TMEM132C: variants seen among roughly 807,000 people sequenced by gnomAD.
TMEM132C encodes protein phosphatase 1, regulatory subunit 152.
In TMEM132C, 29 loss-of-function variants were observed where a neutral mutation model predicts 61.4. That is an observed-to-expected ratio of 0.47 (90% CI 0.35 to 0.64). TMEM132C has a LOEUF of 0.64. Ranked by LOEUF, TMEM132C falls within the 30% of genes least tolerant of loss-of-function variation. TMEM132C has a pLI of 0.00. For missense variants in TMEM132C, 1,408 were observed against 1,476.9 expected (o/e 0.95, Z 0.76); for synonymous variants, 656 against 633.1 (o/e 1.04, Z -0.54).
At chr12:128,499,197 A>G (rs1872072192) in intron 2 of TMEM132C, among the ~76,000 whole-genome samples, 1 of 152,238 alleles carries the variant, frequency 6.6e-6, no homozygotes, top group South Asian at 2.1e-4. Context: ...TAAATGGAAT[A>G]GAATTGAAAG....
chr12:128,622,357 AAAAATATATATATATATATATATAT>A lies in TMEM132C; in HGVS notation c.1305+6024_1305+6048del, dbSNP rs1391400878. Reference sequence around the variant, plus strand: ...AGACTTTGTCTCAAAAAAAAAAAAAAAAAATATATATATATATATATATATATATATATATATATATATAACCAGG... The same window carrying A: ...AGACTTTGTCTCAAAAAAAAAAAAAAATATATATATATATATATAACCAGG... On this transcript the variant is annotated intron_variant, in intron 4 of 8. Transcript: ENST00000435159. 5.1e-4 allele frequency among the ~76,000 whole-genome samples: 31 copies of A among 60,268 alleles called. 3 individuals are homozygous for A. The highest frequency in any genetic ancestry group is 2.7e-3 in the African/African-American group (28 of 10,280). 39.5% of individuals were successfully genotyped at this position (60,268 alleles called of 152,430 possible). A position where few individuals can be genotyped will look rare whatever the true frequency, so the allele number is the denominator to read the frequency against.
chr12:128,651,295 C>T (rs7955460), intron 4 of TMEM132C, among the ~76,000 whole-genome samples: 29,154 of 152,116 alleles, frequency 0.19, 2,957 homozygotes, highest in African/African-American at 0.24. Flanking sequence ...CAGTTGTCTG[C>T]AGCCCAAGCA....
At chr12:128,572,223 C>T (rs78985775) in intron 3 of TMEM132C, among the ~76,000 whole-genome samples, 3,265 of 152,100 alleles carry the variant, frequency 0.021, 82 homozygotes, top group African/African-American at 0.062. Context: ...TCTGGTTGGC[C>T]AGGCCTGGGT....
In TMEM132C at chr12:128,276,796, T is replaced by G. The variant is rs530723300; in HGVS notation, c.85+9309T>G. Among the ~76,000 whole-genome samples, 5 of 152,292 alleles carry G rather than the reference T, an allele frequency of 3.3e-5. No individual in the cohort carries two copies. The South Asian group carries it at 8.3e-4, about 25-fold the overall frequency. On this transcript the variant is annotated intron_variant, in intron 1 of 8. Transcript: ENST00000435159. Reference sequence around the variant, plus strand: ...ACGCGGTATTCTACTAGCAAGTCTTTGAGGCAACAAGGGATTCTTATATTC... The same window carrying G: ...ACGCGGTATTCTACTAGCAAGTCTTGGAGGCAACAAGGGATTCTTATATTC...
intron 4 of TMEM132C, among the ~76,000 whole-genome samples, chr12:128,665,447 G>A (rs889453166): frequency 4.2e-5 from 5 of 119,552 alleles, no homozygotes; most frequent in South Asian, 5.8e-4. Context: ...AGCCATACAC[G>A]TAGGCACTCA....
chr12:128,409,759 G>T, intron 1 of TMEM132C, among the ~76,000 whole-genome samples: 1 of 152,110 alleles, frequency 6.6e-6, no homozygotes, highest in South Asian at 2.1e-4. Flanking sequence ...AATCTCAGTA[G>T]GGGGCCAGAG....
intron 2 of TMEM132C, among the ~76,000 whole-genome samples, chr12:128,446,098 G>A (rs1336162176): frequency 6.6e-6 from 1 of 152,188 alleles, no homozygotes; most frequent in Non-Finnish European, 1.5e-5. Flanking sequence ...ATCTTCAGCC[G>A]AAATTATTTG....
At chr12:128,404,733 G>A (rs1054803643) in intron 1 of TMEM132C, 4 of 152,154 alleles carry the variant, frequency 2.6e-5, no homozygotes, top group East Asian at 1.9e-4. Flanking sequence ...TGAGCATTGC[G>A]ATGAAAGCAG....
At chr12:128,621,446 G>C (rs1311526742) in intron 4 of TMEM132C, among the ~76,000 whole-genome samples, 6 of 152,160 alleles carry the variant, frequency 3.9e-5, no homozygotes, top group Non-Finnish European at 7.3e-5. Context: ...GCAAAGACTG[G>C]AGCTTCCGAT....
chr12:128,564,406 G>A (rs967434779), intron 3 of TMEM132C, among the ~76,000 whole-genome samples: 11 of 152,212 alleles, frequency 7.2e-5, no homozygotes, highest in Admixed American at 2.6e-4. Context: ...GCAGTGCCCC[G>A]CAAGCCAGCA....
At chr12:128,338,169 G>A (rs1212745245) in intron 1 of TMEM132C, among the ~76,000 whole-genome samples, 5 of 152,028 alleles carry the variant, frequency 3.3e-5, no homozygotes, top group Admixed American at 1.3e-4. Context: ...AGGACCAGAC[G>A]TAAAGTTGTC....
chr12:128,648,206 G>A (rs1954229994), intron 4 of TMEM132C, among the ~76,000 whole-genome samples: 1 of 150,884 alleles, frequency 6.6e-6, no homozygotes, highest in South Asian at 2.1e-4. Context: ...CATCAGCGTT[G>A]GATGTGAGTG....
At chr12:128,613,929 A>T (rs959015591) in intron 3 of TMEM132C, among the ~76,000 whole-genome samples, 1 of 152,198 alleles carries the variant, frequency 6.6e-6, no homozygotes, top group Admixed American at 6.5e-5. Flanking sequence ...TTGATATGCC[A>T]TGGAAAATCT....
intron 1 of TMEM132C, among the ~76,000 whole-genome samples, chr12:128,315,916 G>T (rs368178965): frequency 1.3e-5 from 2 of 151,906 alleles, no homozygotes; most frequent in Non-Finnish European, 2.9e-5. Flanking sequence ...GCATGGAACA[G>T]ATTATCTCGA....
chr12:128,579,530 T>C (rs993418478), intron 3 of TMEM132C, among the ~76,000 whole-genome samples: 1 of 152,164 alleles, frequency 6.6e-6, no homozygotes, highest in Admixed American at 6.6e-5. Flanking sequence ...ATTTATATTC[T>C]CTTTGTTGGA....
intron 4 of TMEM132C, among the ~76,000 whole-genome samples, chr12:128,635,018 T>C (rs1954091764): frequency 6.6e-6 from 1 of 152,232 alleles, no homozygotes; most frequent in South Asian, 2.1e-4. Context: ...TTCTTGTAAA[T>C]GCTGGGCTGG....
chr12:128,606,860 A>G (rs1182828098), intron 3 of TMEM132C, among the ~76,000 whole-genome samples: 1 of 152,178 alleles, frequency 6.6e-6, no homozygotes, highest in Non-Finnish European at 1.5e-5. Flanking sequence ...GATCTTTTCT[A>G]GAATTTTTAA....
At chr12:128,377,085 T>A (rs1367168293) in intron 1 of TMEM132C, among the ~76,000 whole-genome samples, 1 of 151,998 alleles carries the variant, frequency 6.6e-6, no homozygotes, top group Non-Finnish European at 1.5e-5. Context: ...GATGGAGTCT[T>A]GCTTTGTCGC....
Position 128,568,779 on chromosome 12 carries a change from C to T in TMEM132C, c.1121+24676C>T, listed in dbSNP as rs1164743550. ...ACAGGCGTCATGAAACCCCGAGCCC[C>T]GTGTCCCTCAGCTTTCTACTAACAA... On this transcript the variant is annotated intron_variant, in intron 3 of 8. Transcript: ENST00000435159. Among the ~76,000 whole-genome samples the T allele has an allele frequency of 2.6e-5, 4 of 152,278 alleles. No individual in the cohort carries two copies. The East Asian group carries it at 7.7e-4, about 29-fold the overall frequency.
Sources: allele counts gnomAD v4.1 joint callset (sites outside exome capture counted in the v4.1 genomes callset), GRCh38; gene constraint gnomAD v4.1.1; transcripts MANE v1.5; gene names NCBI Gene and HGNC (gene_info 2026-07-23, HGNC 2026-07-21).